The following HECTD3 variants were observed in gnomAD, a reference collection of about 807,000 sequenced individuals.
The protein encoded by HECTD3 is E3 ubiquitin-protein ligase HECTD3.
Under a neutral mutation model 109.3 loss-of-function variants are expected in HECTD3, and 72 were observed. That is an observed-to-expected ratio of 0.66 (90% CI 0.54 to 0.80). The LOEUF (loss-of-function observed/expected upper bound fraction) is 0.80. Among genes scored for constraint, HECTD3 ranks in the 30% least tolerant of loss-of-function variants. The probability of loss-of-function intolerance (pLI) is 0.00; values close to 1 mark genes in which losing one functional copy is unlikely to be tolerated. For synonymous variants in HECTD3, 481 were observed against 471.8 expected (o/e 1.02, Z -0.25); for missense variants, 1,041 against 1,165.2 (o/e 0.89, Z 1.55).
intron 14 of HECTD3, 36 bp downstream of exon 14, chr1:45,005,961 G>A (rs767231247): frequency 1.2e-6 from 2 of 1,611,508 alleles, no homozygotes; most frequent in Non-Finnish European, 1.7e-6. Context: ...CAAGGGCCAG[G>A]GCTGATCGGA....
chr1:45,004,205 C>T (rs765505591), intron 17 of HECTD3, 43 bp downstream of exon 17: 17 of 1,614,044 alleles, frequency 1.1e-5, no homozygotes, highest in Non-Finnish European at 1.3e-5. Flanking sequence ...AACCCCTGTG[C>T]TGTGCTGTGC....
In HECTD3 at chr1:45,004,396, G is replaced by T; in HGVS notation, c.2143-19C>A. 1.2e-6 allele frequency: 2 copies of T among 1,613,842 alleles called. No homozygotes were observed. The highest frequency in any genetic ancestry group is 1.7e-6 in the Non-Finnish European group (2 of 1,179,916). Reference sequence around the variant, plus strand: ...CTGCCACCTGGGGAGTGGGTAAAAAGGCTTGGCTGGGGAAGAGGGCACACC... The same window carrying T: ...CTGCCACCTGGGGAGTGGGTAAAAATGCTTGGCTGGGGAAGAGGGCACACC... On this transcript the variant is annotated intron_variant, in intron 16 of 20. Transcript: ENST00000372172.
rs7521006 is a variant in HECTD3 at position 45,006,497 on chromosome 1, C to A, written c.1725+195G>T. Among the ~76,000 whole-genome samples, 1 of 151,750 alleles carries A rather than the reference C, an allele frequency of 6.6e-6. No homozygotes were observed. Among genetic ancestry groups the A allele is most frequent in the South Asian group, 2.1e-4 (1 of 4,810 alleles). On this transcript the variant is annotated intron_variant, in intron 13 of 20. Coordinates refer to ENST00000372172, the MANE Select transcript of HECTD3 (RefSeq NM_024602.6). The surrounding 1 kb of genome is among the most constrained non-coding windows in gnomAD (Gnocchi z 4.7). ...ATTTTTTATTTTTATAGAGATGGGG[C>A]TTCACTTCATTGGCCAGGCTGGTCT...
At position 45,009,395 on chromosome 1, in the gene HECTD3, C is replaced by T. The variant is rs1557729869; in HGVS notation, c.963G>A (p.Lys321=). The stretch of plus-strand genomic sequence containing the variant: ...CGTCAATGCTCACGTCACTCAGCTT[C>T]TTCAGGTTGTCCCCTTCACCCCCAT... ...VVYGGEGDNL[K]KLSDVSIDET... Residue 321 remains lysine, a synonymous_variant, in exon 6 of 21, where the codon AAG becomes AAA. Coordinates refer to ENST00000372172, the MANE Select transcript of HECTD3 (RefSeq NM_024602.6). 1 of 1,613,882 alleles carries T rather than the reference C, an allele frequency of 6.2e-7. No individual in the cohort carries two copies.
Position 45,010,897 on chromosome 1 carries a change from G to T in HECTD3, c.361C>A (p.Leu121Met). 6.5e-7 allele frequency: 1 copy of T among 1,527,926 alleles called. No homozygotes were observed. The highest frequency in any genetic ancestry group is 8.7e-7 in the Non-Finnish European group (1 of 1,149,822). The allele number at this position is 1,527,926 out of a possible 1,614,324, so 94.6% of individuals were successfully genotyped here. A position where few individuals can be genotyped will look rare whatever the true frequency, so the allele number is the denominator to read the frequency against. Residue 121 changes from leucine to methionine, a missense_variant, in exon 1 of 21, where the codon CTG becomes ATG. Physicochemically the swap from Leu to Met is conservative, Grantham distance 15. This residue lies in a region of HECTD3 where 472 missense variants were observed against 449.9 expected (regional missense o/e 1.05). Coordinates refer to ENST00000372172, the MANE Select transcript of HECTD3 (RefSeq NM_024602.6). ...LCNGHGLWVK[L>M]TKEQLAEHLG... is the part of the protein sequence containing the mutation. ...GGCAGGGAAGAGCGCACCTTTGTCA[G>T]CTTCACCCAGAGCCCGTGGCCATTG... is the stretch of plus-strand genomic sequence containing the variant.
Position 45,006,685 on chromosome 1 carries a change from A to C in HECTD3, c.1725+7T>G. 1 of 1,607,692 alleles carries C rather than the reference A, an allele frequency of 6.2e-7. No homozygotes were observed. The highest frequency in any genetic ancestry group is 1.1e-5 in the South Asian group (1 of 90,370). ...GGGAGGTTTGCAGAGATGGAAACGG[A>C]GATTACCTGGTTGGCTGTGCGTACA... On this transcript the variant is annotated splice_region_variant and intron_variant, in intron 13 of 20. Coordinates refer to ENST00000372172, the MANE Select transcript of HECTD3 (RefSeq NM_024602.6). The surrounding 1 kb of genome is among the most constrained non-coding windows in gnomAD (Gnocchi z 4.7).
At position 45,009,420 on chromosome 1, in the gene HECTD3, T is replaced by C. The variant is rs375141496; in HGVS notation, c.938A>G (p.Tyr313Cys). ...CTTCAGGTTGTCCCCTTCACCCCCA[T>C]AGACCACCACCCGCTTTGGCATAAA... is the stretch of plus-strand genomic sequence containing the variant. ...DNFMPKRVVV[Y>C]GGEGDNLKKL... The change falls in exon 6 of 21, where the codon TAT becomes TGT. Residue 313 changes from tyrosine (Y) to cysteine (C), a missense_variant. This residue lies in a region of HECTD3 where 472 missense variants were observed against 449.9 expected (regional missense o/e 1.05). Transcript: ENST00000372172. 2.0e-5 allele frequency: 33 copies of C among 1,614,108 alleles called. No homozygotes were observed. The highest frequency in any genetic ancestry group is 1.6e-4 in the Middle Eastern group (1 of 6,062).
At position 45,007,535 on chromosome 1, in the gene HECTD3, G is replaced by C. The variant is rs371750503; in HGVS notation, c.1381C>G (p.Arg461Gly). ...CTGGGCTTGCTGCTCTCAGAGTCAC[G>C]CAGGCACTGAGCCACCAGGCCTGGC... is the stretch of plus-strand genomic sequence containing the variant. ...QRPGLVAQCLRDSESSKPSFM... is the reference protein window; with the variant it reads ...QRPGLVAQCLGDSESSKPSFM... Residue 461 changes from arginine to glycine, a missense_variant, in exon 10 of 21, where the codon CGT becomes GGT. By Grantham distance (125) the Arg-to-Gly change is moderately radical (BLOSUM62 -2). Around this residue, in one of 2 missense-constraint regions of HECTD3, gnomAD observed 569 missense variants for 715.3 expected, o/e 0.80. Transcript: ENST00000372172. 2.5e-6 allele frequency: 4 copies of C among 1,613,826 alleles called. No individual in the cohort carries two copies. Among genetic ancestry groups the C allele is most frequent in the Non-Finnish European group, 3.4e-6 (4 of 1,179,960 alleles).
Position 45,006,893 on chromosome 1 carries a change from T to A in HECTD3, c.1621+58A>T. The stretch of plus-strand genomic sequence containing the variant: ...CATCATCATTAGCTGGTGAAAAGCC[T>A]CTACCACTTTGATAGGGCAGCAAGC... On this transcript the variant is annotated intron_variant, in intron 12 of 20. Transcript: ENST00000372172. This position sits in a 1 kb window ranked among gnomAD's most constrained non-coding sequence, Gnocchi z 4.7. The A allele has an allele frequency of 2.5e-6, 4 of 1,600,448 alleles. No homozygotes were observed. The highest frequency in any genetic ancestry group is 1.7e-6 in the Non-Finnish European group (2 of 1,167,644).
rs529157466 is a variant in HECTD3 at position 45,003,824 on chromosome 1, T to C, written c.2429+31A>G. ...GGGGAGGGAGGACAGAAGGCGGCCA[T>C]GGCACCTTCAGGCCTCCCTCCAGCA... is the stretch of plus-strand genomic sequence containing the variant. On this transcript the variant is annotated intron_variant, in intron 19 of 20. Transcript: ENST00000372172. This position sits in a 1 kb window ranked among gnomAD's most constrained non-coding sequence, Gnocchi z 4.7. 17 of 1,610,856 alleles carry C rather than the reference T, an allele frequency of 1.1e-5. No homozygotes were observed. In the African/African-American group the frequency reaches 1.7e-4, roughly 16 times the overall value.
rs754917055 is a variant in HECTD3, at chr1:45,010,876, G to C, written c.369+13C>G. The stretch of plus-strand genomic sequence containing the variant: ...GGGGTCTTTTACCGGGTCCTGGGCA[G>C]GGAAGAGCGCACCTTTGTCAGCTTC... On this transcript the variant is annotated intron_variant, in intron 1 of 20. Transcript: ENST00000372172. The C allele has an allele frequency of 1.3e-6, 2 of 1,515,218 alleles. No individual in the cohort carries two copies. The highest frequency in any genetic ancestry group is 8.8e-7 in the Non-Finnish European group (1 of 1,142,844). 93.9% of individuals were successfully genotyped at this position (1,515,218 alleles called of 1,614,324 possible).
In HECTD3 at chr1:45,010,255, A is replaced by T; in HGVS notation, c.569T>A (p.Leu190Gln). 6.2e-7 allele frequency: 1 copy of T among 1,613,906 alleles called. No individual in the cohort carries two copies. Among genetic ancestry groups the T allele is most frequent in the Non-Finnish European group, 8.5e-7 (1 of 1,179,974 alleles). ...CTCTGCCGGCTGAGGTCTCGATCCC[A>T]GGCGATGTGAGTATGTCAGGTCCAC... ...QVVDLTYSHRLGSRPQPAEAY... is the reference protein window; with the variant it reads ...QVVDLTYSHRQGSRPQPAEAY... Residue 190 changes from leucine to glutamine, a missense_variant, in exon 3 of 21, where the codon CTG becomes CAG. This residue lies in a region of HECTD3 where 472 missense variants were observed against 449.9 expected (regional missense o/e 1.05). Transcript: ENST00000372172.
chr1:45,011,198 C>T lies in HECTD3; in HGVS notation c.60G>A (p.Val20=). The T allele has an allele frequency of 6.8e-7, 1 of 1,461,516 alleles. No individual in the cohort carries two copies. The allele number at this position is 1,461,516 out of a possible 1,614,324, so 90.5% of individuals were successfully genotyped here. ...LESPRQLLGR[V]RFLAEAARSL... Reference sequence around the variant, plus strand: ...TCCGCGCTGCCTCTGCCAAGAAGCGCACGCGGCCCAGCAGCTGCCGGGGGG... The same window carrying T: ...TCCGCGCTGCCTCTGCCAAGAAGCGTACGCGGCCCAGCAGCTGCCGGGGGG... Residue 20 remains valine, a synonymous_variant, in exon 1 of 21, where the codon GTG becomes GTA. Transcript: ENST00000372172.
At position 45,011,057 on chromosome 1, in the gene HECTD3, C is replaced by T; in HGVS notation, c.201G>A (p.Glu67=). 15 of 1,446,268 alleles carry T rather than the reference C, an allele frequency of 1.0e-5. No individual in the cohort carries two copies. The highest frequency in any genetic ancestry group is 1.4e-5 in the Non-Finnish European group (15 of 1,103,770). 89.6% of individuals were successfully genotyped at this position (1,446,268 alleles called of 1,614,324 possible). ...GPSRVLLPVW[E]AEGLGLRVGA... ...CCACACGCAGCCCCAGGCCCTCTGC[C>T]TCCCACACCGGCAGAAGCACGCGCG... is the stretch of plus-strand genomic sequence containing the variant. Residue 67 remains glutamate (E), a synonymous_variant, in exon 1 of 21, where the codon GAG becomes GAA. Coordinates refer to ENST00000372172, the MANE Select transcript of HECTD3 (RefSeq NM_024602.6).
intron 15 of HECTD3, chr1:45,005,208 A>G (rs1228573770): frequency 3.4e-6 from 1 of 295,698 alleles, no homozygotes; most frequent in East Asian, 8.2e-5. Context: ...TCCTAAGCCC[A>G]GGGCCGAGCC....
intron 1 of HECTD3, 26 bp downstream of exon 1, chr1:45,010,863 C>G: frequency 6.6e-7 from 1 of 1,508,304 alleles, no homozygotes; most frequent in South Asian, 1.3e-5. Context: ...GGTCTTTTAC[C>G]GGGTCCTGGG....
Position 45,010,239 on chromosome 1 carries a change from C to T in HECTD3, c.585G>A (p.Gln195=). Reference sequence around the variant, plus strand: ...CAGCTTCTGCGTATGCCTCTGCCGGCTGAGGTCTCGATCCCAGGCGATGTG... The same window carrying T: ...CAGCTTCTGCGTATGCCTCTGCCGGTTGAGGTCTCGATCCCAGGCGATGTG... ...TYSHRLGSRP[Q]PAEAYAEAVQ... is the part of the protein sequence containing the mutation. Residue 195 remains glutamine, a synonymous_variant, in exon 3 of 21, where the codon CAG becomes CAA. Transcript: ENST00000372172. The T allele has an allele frequency of 1.9e-6, 3 of 1,614,106 alleles. No individual in the cohort carries two copies.
At chr1:45,004,033 G>A in intron 18 of HECTD3, 27 bp downstream of exon 18, 1 of 1,613,764 alleles carries the variant, frequency 6.2e-7, no homozygotes, top group Non-Finnish European at 8.5e-7. Flanking sequence ...TCCAAACCCA[G>A]GTGTCACCCT....
At chr1:45,007,326 C>G in intron 10 of HECTD3, 55 bp from the exon 11 acceptor site, 1 of 1,602,430 alleles carries the variant, frequency 6.2e-7, no homozygotes, top group Non-Finnish European at 8.5e-7. Flanking sequence ...CCTATACTTG[C>G]CCCAAGAACT....
Sources: gnomAD v4.1 joint callset for allele counts (sites outside exome capture counted in the v4.1 genomes callset) on GRCh38, gnomAD v4.1.1 for gene constraint, gnomAD v4.1.1 regional missense constraint, Gnocchi (gnomAD v3.1) non-coding constraint, MANE v1.5 for transcripts, NCBI Gene and HGNC (gene_info 2026-07-23, HGNC 2026-07-21) for gene names.